CLCN7: variants seen among roughly 807,000 people sequenced by gnomAD.
CLCN7 encodes the protein Cl-/H+ antiporter 7, also known as H(+)/Cl(-) exchange transporter 7.
A neutral mutation model predicts 102.1 loss-of-function variants in CLCN7; 60 were observed. The ratio of observed to expected loss-of-function variants is 0.59; its 90% CI spans 0.48 to 0.73. CLCN7 has a LOEUF of 0.73. CLCN7 is among the 30% of genes least tolerant of loss of function. CLCN7 has a pLI of 0.00. For synonymous variants in CLCN7, 560 were observed against 490.5 expected, an observed-to-expected ratio of 1.14 and a Z score of -1.87; for missense variants, 962 against 1,125.7, an observed-to-expected ratio of 0.85 and a Z score of 2.08.
Position 1,446,662 on chromosome 16 carries a change from C to T in CLCN7, c.2387G>A (p.Gly796Asp). The change falls in exon 25 of 25, where the codon GGC becomes GAC. Residue 796 changes from glycine to aspartate, a missense_variant. Transcript: ENST00000382745. ...DLARYRLGKR[G>D]LEELSLAQT ...CTGGGCCAGCGAGAGCTCCTCCAAG[C>T]CTCTCTTTCCCAGGCGGTACCTGGC... is the stretch of plus-strand genomic sequence containing the variant. The T allele has an allele frequency of 1.3e-6, 2 of 1,583,258 alleles. No individual in the cohort carries two copies. The highest frequency in any genetic ancestry group is 1.7e-6 in the Non-Finnish European group (2 of 1,164,698).
At chr16:1,455,944 G>C in intron 10 of CLCN7, 149 bp from the exon 11 acceptor site, 1 of 1,033,868 alleles carries the variant, frequency 9.7e-7, no homozygotes, top group Non-Finnish European at 1.4e-6. Context: ...GGACCCTGAG[G>C]GAGGTCTGAG....
intron 1 of CLCN7, among the ~76,000 whole-genome samples, chr16:1,473,389 T>G (rs2039104937): frequency 6.8e-6 from 1 of 145,998 alleles, no homozygotes; most frequent in African/African-American, 2.6e-5. Context: ...TTTTTTTTTT[T>G]TTTTTGAGAC....
intron 2 of CLCN7, among the ~76,000 whole-genome samples, chr16:1,464,565 G>C (rs2038979290): frequency 6.6e-6 from 1 of 152,258 alleles, no homozygotes; most frequent in African/African-American, 2.4e-5. Context: ...GACTGCGGCA[G>C]AGCTCAAACG....
In CLCN7 at chr16:1,445,133, G is replaced by GC. The variant is rs373942084; in HGVS notation, c.*1497dup. 4,374 of 152,258 alleles carry GC rather than the reference G, an allele frequency of 0.029. 83 individuals are homozygous for GC. The highest frequency in any genetic ancestry group is 0.042 in the Non-Finnish European group (2,851 of 68,006). The allele number at this position is 152,258 out of a possible 1,614,324, so 9.4% of individuals were successfully genotyped here. On this transcript the variant is annotated 3_prime_UTR_variant, in exon 25 of 25. Transcript: ENST00000382745. The stretch of plus-strand genomic sequence containing the variant: ...CCTCCACCTGGAGCGCCTCTGCCTT[G>GC]CCCCCAGACCCACCAGCCAGGAGCC...
chr16:1,451,601 C>T (rs1567266583), intron 16 of CLCN7, 22 bp downstream of exon 16: 1 of 1,605,152 alleles, frequency 6.2e-7, no homozygotes, highest in South Asian at 1.1e-5. Context: ...AGGGCCTGCC[C>T]AGCGGCACTG....
chr16:1,452,882 C>T lies in CLCN7; in HGVS notation c.1226G>A (p.Arg409Gln), dbSNP rs780959736. ...GGCCTCAATCACCTGCAGGCAGGGC[C>T]GGTGGATGTACCTGGAACCAAGAAT... is the stretch of plus-strand genomic sequence containing the variant. ...LTMFRIRYIH[R>Q]PCLQVIEAVL... Residue 409 changes from arginine to glutamine, a missense_variant, in exon 15 of 25, where the codon CGG (arginine) becomes CAG (glutamine). Coordinates refer to ENST00000382745, the MANE Select transcript of CLCN7 (RefSeq NM_001287.6). 3.4e-5 allele frequency: 53 copies of T among 1,569,442 alleles called. No individual in the cohort carries two copies. Among genetic ancestry groups the T allele is most frequent in the African/African-American group, 8.1e-5 (6 of 73,636 alleles).
intron 14 of CLCN7, 26 bp from the exon 15 acceptor site, chr16:1,452,919 G>A: frequency 6.4e-7 from 1 of 1,558,756 alleles, no homozygotes; most frequent in Non-Finnish European, 8.7e-7. Context: ...AGGCTGCATG[G>A]CAGGCAGGAC....
chr16:1,458,900 G>C (rs190001863), intron 7 of CLCN7, among the ~76,000 whole-genome samples: 1 of 152,172 alleles, frequency 6.6e-6, no homozygotes, highest in Non-Finnish European at 1.5e-5. Context: ...CATTTCTTAC[G>C]TAATTTAATA....
rs529922173 is a variant in CLCN7 at position 1,473,163 on chromosome 16, A to G, written c.141+1671T>C. 3.3e-5 allele frequency among the ~76,000 whole-genome samples: 5 copies of G among 152,096 alleles called. No individual in the cohort carries two copies. In the South Asian group the frequency reaches 1.0e-3, roughly 32 times the overall value. ...CAAATAACTAATCACCCATGGCCCC[A>G]TCACTTCAAATTAACCCCTTCAGAT... On this transcript the variant is annotated intron_variant, in intron 1 of 24. Transcript: ENST00000382745.
chr16:1,448,837 G>A, intron 19 of CLCN7, 71 bp from the exon 20 acceptor site: 1 of 1,597,692 alleles, frequency 6.3e-7, no homozygotes, highest in Non-Finnish European at 8.5e-7. Context: ...CCTACCCCTG[G>A]GAGCCCAGAG....
At chr16:1,461,008 A>G in intron 4 of CLCN7, 60 bp from the exon 5 acceptor site, 1 of 1,596,920 alleles carries the variant, frequency 6.3e-7, no homozygotes, top group Non-Finnish European at 8.5e-7. Context: ...CTCTGGCAGC[A>G]GCAGGACCGC....
intron 14 of CLCN7, among the ~76,000 whole-genome samples, chr16:1,453,291 T>G (rs2038783374): frequency 6.6e-6 from 1 of 152,024 alleles, no homozygotes; most frequent in Non-Finnish European, 1.5e-5. Flanking sequence ...GGGATTATAG[T>G]CGTGAGGCAC....
rs769661865 is a variant in CLCN7 at position 1,475,020 on chromosome 16, G to T, written c.-46C>A. On this transcript the variant is annotated 5_prime_UTR_variant, in exon 1 of 25. Transcript: ENST00000382745. The stretch of plus-strand genomic sequence containing the variant: ...CGGCCGGGAAGCGCCGGCTGCCCCC[G>T]TGTTTGTTCTCGTGACCCGCGCCGG... 2.7e-5 allele frequency: 38 copies of T among 1,401,622 alleles called. No homozygotes were observed. Among genetic ancestry groups the T allele is most frequent in the African/African-American group, 3.0e-5 (2 of 66,410 alleles). 86.8% of individuals were successfully genotyped at this position (1,401,622 alleles called of 1,614,324 possible). A position where few individuals can be genotyped will look rare whatever the true frequency, so the allele number is the denominator to read the frequency against.
chr16:1,469,038 C>T (rs1354986355), intron 1 of CLCN7, among the ~76,000 whole-genome samples: 3 of 123,376 alleles, frequency 2.4e-5, no homozygotes, highest in East Asian at 4.4e-4. Context: ...TTAAAAAAAA[C>T]GAAAAAAAAA....
chr16:1,452,863 A>G lies in CLCN7; in HGVS notation c.1245T>C (p.Ile415=), dbSNP rs12926669. Residue 415 remains isoleucine (I), a synonymous_variant, in exon 15 of 25, where the codon ATT becomes ATC. Transcript: ENST00000382745. ...RYIHRPCLQV[I]EAVLVAAVTA... ...TGACGGCGGCCACCAGCACGGCCTC[A>G]ATCACCTGCAGGCAGGGCCGGTGGA... is the stretch of plus-strand genomic sequence containing the variant. The G allele has an allele frequency of 0.096, 151,939 of 1,578,122 alleles. 8,168 individuals are homozygous for G. The highest frequency in any genetic ancestry group is 0.12 in the African/African-American group (8,697 of 73,972).
intron 14 of CLCN7, among the ~76,000 whole-genome samples, chr16:1,453,519 T>C (rs1380772650): frequency 6.6e-6 from 1 of 152,214 alleles, no homozygotes; most frequent in African/African-American, 2.4e-5. Flanking sequence ...CTGCGGTTGC[T>C]ACCAGGCAGA....
intron 19 of CLCN7, 24 bp downstream of exon 19, chr16:1,448,942 T>G: frequency 6.2e-7 from 1 of 1,611,404 alleles, no homozygotes. Context: ...GCTCTCAGGG[T>G]GAGGCTTCGA....
chr16:1,461,327 G>T, intron 4 of CLCN7, 78 bp downstream of exon 4: 1 of 1,286,568 alleles, frequency 7.8e-7, no homozygotes, highest in South Asian at 1.3e-5. Flanking sequence ...ACCTCACCCC[G>T]GCAGAAGAGC....
At chr16:1,454,509 C>T (rs1225901767) in intron 12 of CLCN7, 44 bp from the exon 13 acceptor site, 10 of 1,558,520 alleles carry the variant, frequency 6.4e-6, no homozygotes, top group Admixed American at 1.7e-5. Context: ...AGGGAAAAGG[C>T]CCACAGCTCC....
Sources: gnomAD v4.1 joint callset for allele counts (sites outside exome capture counted in the v4.1 genomes callset) on GRCh38, gnomAD v4.1.1 for gene constraint, MANE v1.5 for transcripts, NCBI Gene and HGNC (gene_info 2026-07-23, HGNC 2026-07-21) for gene names.